PIK3C2A: variants seen among roughly 807,000 people sequenced by gnomAD.
PIK3C2A encodes phosphatidylinositol-4-phosphate 3-kinase catalytic subunit type 2 alpha, also known as phosphatidylinositol 4-phosphate 3-kinase C2 domain-containing subunit alpha.
A neutral mutation model predicts 204.5 loss-of-function variants in PIK3C2A; 97 were observed. The observed-to-expected ratio is 0.47, with a 90% CI of 0.40 to 0.56. The LOEUF (loss-of-function observed/expected upper bound fraction) is 0.56. Among genes scored for constraint, PIK3C2A ranks in the 20% least tolerant of loss-of-function variants. PIK3C2A has a pLI of 0.00. For synonymous variants in PIK3C2A, 653 were observed against 664.4 expected, an observed-to-expected ratio of 0.98 and a Z score of 0.26; for missense variants, 1,735 against 1,969.2, an observed-to-expected ratio of 0.88 and a Z score of 2.25.
At chr11:17,105,423 G>C in intron 22 of PIK3C2A, 118 bp from the exon 23 acceptor site, 1 of 821,180 alleles carries the variant, frequency 1.2e-6, no homozygotes, top group Non-Finnish European at 1.9e-6. Flanking sequence ...TACACGTGCA[G>C]AATGTGCAAG....
chr11:17,122,482 A>G, intron 14 of PIK3C2A, 149 bp from the exon 15 acceptor site: 1 of 634,588 alleles, frequency 1.6e-6, no homozygotes, highest in East Asian at 2.7e-5. Flanking sequence ...ATTGATTACC[A>G]TTGTTGGTAA....
intron 28 of PIK3C2A, among the ~76,000 whole-genome samples, chr11:17,093,964 A>T (rs1270958248): frequency 1.3e-5 from 2 of 152,164 alleles, no homozygotes; most frequent in Non-Finnish European, 2.9e-5. Context: ...CAAAACCAAG[A>T]TGCCAAATTA....
chr11:17,180,691 G>A (rs778388104), intron 1 of PIK3C2A, among the ~76,000 whole-genome samples: 31 of 152,126 alleles, frequency 2.0e-4, no homozygotes, highest in Admixed American at 5.2e-4. Context: ...ATGTGGTGGC[G>A]CACACCTGTG....
intron 24 of PIK3C2A, 70 bp downstream of exon 24, chr11:17,102,592 G>C (rs1456181565): frequency 8.3e-6 from 11 of 1,319,096 alleles, no homozygotes; most frequent in Non-Finnish European, 1.2e-5. Flanking sequence ...AAAACACAAA[G>C]CTTGAGACAA....
intron 32 of PIK3C2A, among the ~76,000 whole-genome samples, chr11:17,090,512 T>C (rs1306472059): frequency 6.6e-6 from 1 of 151,886 alleles, no homozygotes; most frequent in African/African-American, 2.4e-5. Context: ...ATCTAAGAGG[T>C]GGAGTGATCT....
chr11:17,167,442 G>A (rs1351954339), intron 2 of PIK3C2A, among the ~76,000 whole-genome samples: 2 of 152,080 alleles, frequency 1.3e-5, no homozygotes, highest in African/African-American at 4.8e-5. Flanking sequence ...GACTAACATG[G>A]AGAAACCCGG....
At chr11:17,139,148 G>A (rs191183486) in intron 8 of PIK3C2A, among the ~76,000 whole-genome samples, 20 of 152,038 alleles carry the variant, frequency 1.3e-4, no homozygotes, top group Admixed American at 1.3e-3. Flanking sequence ...CCTGACCTCA[G>A]GTGATCCACC....
chr11:17,107,932 C>T (rs542247885), intron 22 of PIK3C2A, among the ~76,000 whole-genome samples: 12 of 152,302 alleles, frequency 7.9e-5, no homozygotes, highest in East Asian at 3.9e-4. Context: ...AGTGCAGTGG[C>T]GCCACCTGGG....
chr11:17,187,479 C>T (rs1291219880), intron 1 of PIK3C2A, among the ~76,000 whole-genome samples: 1 of 152,072 alleles, frequency 6.6e-6, no homozygotes, highest in Non-Finnish European at 1.5e-5. Context: ...TCACTACCAC[C>T]AAGTTTCAGA....
chr11:17,194,705 T>C (rs1852080198), intron 1 of PIK3C2A, among the ~76,000 whole-genome samples: 1 of 151,744 alleles, frequency 6.6e-6, no homozygotes, highest in Admixed American at 6.6e-5. Context: ...AGGTCAGAAG[T>C]TCAAGACCAG....
chr11:17,102,854 T>C (rs762727482), intron 23 of PIK3C2A, 23 bp from the exon 24 acceptor site: 3 of 1,463,020 alleles, frequency 2.1e-6, no homozygotes, highest in Admixed American at 2.1e-5. Context: ...TACACAATTA[T>C]TTTAGAAAAT....
intron 22 of PIK3C2A, among the ~76,000 whole-genome samples, chr11:17,109,640 T>C (rs1848934113): frequency 6.6e-6 from 1 of 152,214 alleles, no homozygotes; most frequent in Non-Finnish European, 1.5e-5. Flanking sequence ...CATGGTTCAC[T>C]GAAGCCTTAA....
rs759869051 is a variant in PIK3C2A, at chr11:17,189,812, CAAAAAAAAAAAAAA to C, written c.-66+18022_-66+18035del. 6.6e-5 allele frequency among the ~76,000 whole-genome samples: 4 copies of C among 60,384 alleles called. No homozygotes were observed. In the East Asian group the frequency reaches 3.8e-3, roughly 58 times the overall value. The allele number at this position is 60,384 out of a possible 152,430, so 39.6% of individuals were successfully genotyped here. A position where few individuals can be genotyped will look rare whatever the true frequency, so the allele number is the denominator to read the frequency against. ...TGGGTCACAGAGTGAGGCTCTGTCT[CAAAAAAAAAAAAAA>C]AAAAAAAAAAGATGTCTGGTATAAA... On this transcript the variant is annotated intron_variant, in intron 1 of 32. Transcript: ENST00000691414.
intron 8 of PIK3C2A, among the ~76,000 whole-genome samples, chr11:17,139,635 T>C (rs748858817): frequency 2.8e-4 from 43 of 152,244 alleles, no homozygotes; most frequent in Admixed American, 9.2e-4. Flanking sequence ...TATTTTTGCA[T>C]TGGATATTTA....
chr11:17,132,545 G>A (rs892578750), intron 11 of PIK3C2A, among the ~76,000 whole-genome samples: 1 of 151,722 alleles, frequency 6.6e-6, no homozygotes, highest in African/African-American at 2.4e-5. Flanking sequence ...TAGCCAGGAT[G>A]GTCTTGATCT....
intron 1 of PIK3C2A, among the ~76,000 whole-genome samples, chr11:17,205,367 G>C (rs1445718681): frequency 1.3e-5 from 2 of 151,314 alleles, no homozygotes; most frequent in Non-Finnish European, 2.9e-5. Context: ...CCAGCTCCTC[G>C]GGAGGCTGAG....
At chr11:17,133,989 T>A (rs1590946177) in intron 11 of PIK3C2A, among the ~76,000 whole-genome samples, 1 of 152,094 alleles carries the variant, frequency 6.6e-6, no homozygotes, top group Non-Finnish European at 1.5e-5. Flanking sequence ...AACTGACATT[T>A]GCTCTGTTTT....
chr11:17,112,321 C>T (rs576797531), intron 21 of PIK3C2A, among the ~76,000 whole-genome samples: 2 of 152,112 alleles, frequency 1.3e-5, no homozygotes, highest in South Asian at 4.1e-4. Context: ...GGCATGGTGG[C>T]AGGTGCCTGT....
Position 17,174,961 on chromosome 11 carries a change from G to A in PIK3C2A, c.-65-5155C>T, listed in dbSNP as rs916922897. ...AGCATTTTACAAAGAGAAAGGCTAC[G>A]TAGATATAATTCATCTTCCACAAGC... is the stretch of plus-strand genomic sequence containing the variant. On this transcript the variant is annotated intron_variant, in intron 1 of 32. Transcript: ENST00000691414. Among the ~76,000 whole-genome samples the A allele has an allele frequency of 2.6e-5, 4 of 152,142 alleles. 1 individual carries two copies. Among genetic ancestry groups the A allele is most frequent in the Non-Finnish European group, 5.9e-5 (4 of 68,020 alleles).
Sources: gnomAD v4.1 joint callset for allele counts (sites outside exome capture counted in the v4.1 genomes callset) on GRCh38, gnomAD v4.1.1 for gene constraint, MANE v1.5 for transcripts, NCBI Gene and HGNC (gene_info 2026-07-23, HGNC 2026-07-21) for gene names.